The following ADAMTSL1 variants were observed in gnomAD, a reference collection of about 807,000 sequenced individuals.
ADAMTSL1 encodes the protein ADAMTS-like protein 1.
Under a neutral mutation model 201.8 loss-of-function variants are expected in ADAMTSL1, and 126 were observed. The ratio of observed to expected loss-of-function variants is 0.62; its 90% confidence interval spans 0.54 to 0.72. ADAMTSL1 has a LOEUF of 0.72. Among genes scored for constraint, ADAMTSL1 ranks in the 30% least tolerant of loss-of-function variants. The pLI is 0.00. For synonymous variants in ADAMTSL1, 1,121 were observed against 903.4 expected, an observed-to-expected ratio of 1.24 and a Z score of -4.32; for missense variants, 2,679 against 2,277.8, an observed-to-expected ratio of 1.18 and a Z score of -3.59.
rs138286645 is a variant in ADAMTSL1, at chr9:18,453,430, A to G, written c.208-51399A>G. On this transcript the variant is annotated intron_variant, in intron 2 of 29. Transcript: ENST00000680146. ...TCCCTTCTATTATCTATCTATACTAATCTCCTTAGCAAATGGTCACTTGGC... is the reference window on the plus strand; with the variant it reads ...TCCCTTCTATTATCTATCTATACTAGTCTCCTTAGCAAATGGTCACTTGGC... Among the ~76,000 whole-genome samples the G allele has an allele frequency of 4.1e-4, 62 of 151,934 alleles. No individual in the cohort carries two copies. In the East Asian group the frequency reaches 0.012, roughly 29 times the overall value.
chr9:18,740,316 G>A (rs966061543), intron 15 of ADAMTSL1, among the ~76,000 whole-genome samples: 1 of 151,946 alleles, frequency 6.6e-6, no homozygotes, highest in Admixed American at 6.6e-5. Flanking sequence ...TGTCATTAAG[G>A]GTTTGGCTGC....
intron 1 of ADAMTSL1, among the ~76,000 whole-genome samples, chr9:17,985,583 A>T (rs928686187): frequency 7.9e-5 from 12 of 152,146 alleles, no homozygotes; most frequent in Non-Finnish European, 1.8e-4. Context: ...TGAAATGTAG[A>T]AACATTTTGC....
chr9:18,592,392 A>G (rs1044957977), intron 4 of ADAMTSL1, among the ~76,000 whole-genome samples: 11 of 152,290 alleles, frequency 7.2e-5, no homozygotes, highest in Non-Finnish European at 1.6e-4. Flanking sequence ...TGAGGTACCC[A>G]CTTATCAAGC....
At chr9:18,170,274 T>C (rs527560770) in intron 2 of ADAMTSL1, among the ~76,000 whole-genome samples, 1 of 152,170 alleles carries the variant, frequency 6.6e-6, no homozygotes, top group South Asian at 2.1e-4. Context: ...TTTCTACATT[T>C]TTATGGAAAG....
At chr9:18,878,853 A>G (rs1217143140) in intron 23 of ADAMTSL1, among the ~76,000 whole-genome samples, 1 of 152,110 alleles carries the variant, frequency 6.6e-6, no homozygotes, top group African/African-American at 2.4e-5. Flanking sequence ...CGAAGCTTGG[A>G]GGAGAGGCCA....
At chr9:18,367,375 AT>A (rs34948243) in intron 2 of ADAMTSL1, among the ~76,000 whole-genome samples, 64,660 of 148,462 alleles carry the variant, frequency 0.44, 14,144 homozygotes, top group Middle Eastern at 0.49. Flanking sequence ...AGAAGATAAG[AT>A]TTTTTTTTTT....
chr9:18,140,435 C>T (rs1030133170), intron 1 of ADAMTSL1, among the ~76,000 whole-genome samples: 4 of 152,100 alleles, frequency 2.6e-5, no homozygotes, highest in Non-Finnish European at 4.4e-5. Flanking sequence ...GTCCTGTCTC[C>T]CAATGGAGTC....
intron 4 of ADAMTSL1, among the ~76,000 whole-genome samples, chr9:18,605,519 G>A (rs1014515650): frequency 6.6e-6 from 1 of 152,218 alleles, no homozygotes; most frequent in African/African-American, 2.4e-5. Context: ...GAGCATGTTT[G>A]TACTCAGCAA....
chr9:18,382,232 T>C (rs1057168917), intron 2 of ADAMTSL1, among the ~76,000 whole-genome samples: 8 of 152,164 alleles, frequency 5.3e-5, no homozygotes, highest in African/African-American at 1.9e-4. Context: ...AAAGGGTGGC[T>C]CAAGTTCAGA....
At chr9:18,401,453 T>G (rs1817981144) in intron 2 of ADAMTSL1, among the ~76,000 whole-genome samples, 1 of 152,236 alleles carries the variant, frequency 6.6e-6, no homozygotes, top group South Asian at 2.1e-4. Flanking sequence ...GTGGTTGGTT[T>G]AGTTTAAGTA....
intron 23 of ADAMTSL1, among the ~76,000 whole-genome samples, chr9:18,839,429 A>G (rs1825567684): frequency 1.3e-5 from 2 of 151,992 alleles, no homozygotes; most frequent in African/African-American, 2.4e-5. Context: ...AATCCAGTCT[A>G]TCGTTGTTGG....
chr9:18,682,029 T>G, intron 12 of ADAMTSL1, 70 bp downstream of exon 12: 2 of 1,499,852 alleles, frequency 1.3e-6, no homozygotes, highest in South Asian at 2.6e-5. Flanking sequence ...TTAAACTCCT[T>G]GGAATATTTT....
intron 12 of ADAMTSL1, among the ~76,000 whole-genome samples, chr9:18,682,810 AT>A (rs2133184572): frequency 1.3e-5 from 2 of 152,324 alleles, no homozygotes; most frequent in East Asian, 3.9e-4. Flanking sequence ...ACTGAATGGC[AT>A]CATAAAATCT....
In ADAMTSL1 at chr9:18,485,685, G is replaced by T. The variant is rs142437238; in HGVS notation, c.63+11390G>T. ...CATTGCCAGCAGAGGGACTTGCACG[G>T]CAAAGGCCCAGAAGAAGGAAAGGGA... On this transcript the variant is annotated intron_variant, in intron 1 of 28. Coordinates refer to ENST00000380548, the MANE Select transcript of ADAMTSL1 (RefSeq NM_001040272.6). 2.2e-3 allele frequency among the ~76,000 whole-genome samples: 333 copies of T among 152,304 alleles called. 1 individual carries two copies. Among genetic ancestry groups the T allele is most frequent in the African/African-American group, 7.7e-3 (322 of 41,566 alleles).
intron 2 of ADAMTSL1, among the ~76,000 whole-genome samples, chr9:18,290,851 G>C (rs959038193): frequency 5.5e-5 from 8 of 146,730 alleles, no homozygotes; most frequent in African/African-American, 2.0e-4. Context: ...GCGCCATCTT[G>C]GCTCACTACA....
At chr9:18,164,195 A>C (rs1467099523) in intron 2 of ADAMTSL1, among the ~76,000 whole-genome samples, 2 of 151,856 alleles carry the variant, frequency 1.3e-5, no homozygotes, top group African/African-American at 4.8e-5. Flanking sequence ...TAAACATTTT[A>C]CTCAAGCGTT....
At chr9:18,862,079 T>G (rs1243553034) in intron 23 of ADAMTSL1, among the ~76,000 whole-genome samples, 4 of 152,182 alleles carry the variant, frequency 2.6e-5, no homozygotes, top group African/African-American at 9.6e-5. Context: ...TTCCTGTGGC[T>G]TGCAGCTGAA....
At position 18,830,732 on chromosome 9, in the gene ADAMTSL1, G is replaced by T. The variant is rs138240416; in HGVS notation, c.4249+755G>T. 3.9e-5 allele frequency among the ~76,000 whole-genome samples: 6 copies of T among 152,246 alleles called. No homozygotes were observed. The South Asian group carries it at 8.3e-4, about 21-fold the overall frequency. ...CTTCTGCCTTCAAAAGGCCTGGTGG[G>T]GGGGTGGGGAAATAGGCCTATACAT... is the stretch of plus-strand genomic sequence containing the variant. On this transcript the variant is annotated intron_variant, in intron 23 of 28. Coordinates refer to ENST00000380548, the MANE Select transcript of ADAMTSL1 (RefSeq NM_001040272.6).
At chr9:18,060,847 A>T (rs1822417915) in intron 1 of ADAMTSL1, among the ~76,000 whole-genome samples, 1 of 152,184 alleles carries the variant, frequency 6.6e-6, no homozygotes, top group Admixed American at 6.5e-5. Flanking sequence ...ATTACTTATT[A>T]ACTTTTTGGA....
Sources: allele counts gnomAD v4.1 joint callset (sites outside exome capture counted in the v4.1 genomes callset), GRCh38; gene constraint gnomAD v4.1.1; transcripts MANE v1.5; gene names NCBI Gene and HGNC (gene_info 2026-07-23, HGNC 2026-07-21).